The following PIK3CB variants were observed in gnomAD, a reference collection of about 807,000 sequenced individuals.
The protein encoded by PIK3CB is phosphatidylinositol 4,5-bisphosphate 3-kinase catalytic subunit beta isoform.
PIK3CB carries 39 observed loss-of-function variants against 136.8 expected under a neutral mutation model. That is an observed-to-expected ratio of 0.29 (90% CI 0.22 to 0.37). The LOEUF (loss-of-function observed/expected upper bound fraction) is 0.37, where lower values mean the gene tolerates loss of function less well. PIK3CB is among the 10% of genes least tolerant of loss of function. The probability of loss-of-function intolerance (pLI) is 1.00; values close to 1 mark genes in which losing one functional copy is unlikely to be tolerated. For missense variants in PIK3CB, 868 were observed against 1,275.4 expected, an observed-to-expected ratio of 0.68 and a Z score of 4.87; for synonymous variants, 428 against 436.6, an observed-to-expected ratio of 0.98 and a Z score of 0.25.
At chr3:138,723,691 G>A (rs2044780378) in intron 8 of PIK3CB, among the ~76,000 whole-genome samples, 1 of 152,192 alleles carries the variant, frequency 6.6e-6, no homozygotes, top group Non-Finnish European at 1.5e-5. Flanking sequence ...CAAAGGACTT[G>A]CCACTGTGCT....
chr3:138,767,932 G>A (rs990113118), intron 2 of PIK3CB, among the ~76,000 whole-genome samples: 14 of 152,322 alleles, frequency 9.2e-5, no homozygotes, highest in East Asian at 1.9e-4. Flanking sequence ...CCTGCAATGC[G>A]ATGAACAAAG....
chr3:138,788,974 AAAAAAAAAAAAAAAAAAAC>A (rs1174857494), intron 2 of PIK3CB, among the ~76,000 whole-genome samples: 2 of 140,088 alleles, frequency 1.4e-5, no homozygotes, highest in African/African-American at 6.4e-5. Flanking sequence ...CAAAAAAAAA[AAAAAAAAAAAAAAAAAAAC>A]AAAAAACAAC....
chr3:138,755,623 G>A (rs1031444342), intron 4 of PIK3CB, 131 bp downstream of exon 4: 1 of 520,080 alleles, frequency 1.9e-6, no homozygotes, highest in South Asian at 3.1e-5. Flanking sequence ...ATCTCAAACT[G>A]GCAACAATTT....
chr3:138,725,289 T>C (rs1037377708), intron 8 of PIK3CB, among the ~76,000 whole-genome samples: 3 of 152,212 alleles, frequency 2.0e-5, no homozygotes, highest in African/African-American at 4.8e-5. Flanking sequence ...TGGGGAATTA[T>C]GATGTATGAC....
intron 2 of PIK3CB, among the ~76,000 whole-genome samples, chr3:138,759,921 G>T (rs1019512073): frequency 2.0e-5 from 3 of 151,750 alleles, no homozygotes; most frequent in Non-Finnish European, 4.4e-5. Context: ...TCTCTACAAG[G>T]ACAATTTTTT....
At chr3:138,778,535 T>C in intron 2 of PIK3CB, 1 of 234,298 alleles carries the variant, frequency 4.3e-6, no homozygotes, top group South Asian at 5.0e-5. Flanking sequence ...AGCCAATGTG[T>C]CCATCATGGA....
At chr3:138,661,796 A>G (rs1386358691) in intron 21 of PIK3CB, among the ~76,000 whole-genome samples, 1 of 152,246 alleles carries the variant, frequency 6.6e-6, no homozygotes, top group African/African-American at 2.4e-5. Flanking sequence ...ACAGTGACCC[A>G]GAGAGATTTT....
chr3:138,802,559 A>G lies in PIK3CB; in HGVS notation c.-121-5992T>C, dbSNP rs78955208. On this transcript the variant is annotated intron_variant, in intron 1 of 23. Transcript: ENST00000674063. ...GTTAATTTGTGAGGGGAAAAAAAAA[A>G]AGAGAGAAAAAAGGGCAAATAGTAT... Among the ~76,000 whole-genome samples, 11 of 151,836 alleles carry G rather than the reference A, an allele frequency of 7.2e-5. No homozygotes were observed. The East Asian group carries it at 9.6e-4, about 13-fold the overall frequency.
chr3:138,800,898 T>C (rs1296613872), intron 1 of PIK3CB, among the ~76,000 whole-genome samples: 1 of 152,214 alleles, frequency 6.6e-6, no homozygotes, highest in Non-Finnish European at 1.5e-5. Flanking sequence ...AGTACTGGGA[T>C]TATAGGCGTG....
Position 138,654,963 on chromosome 3 carries a change from G to C in PIK3CB, c.*426C>G, listed in dbSNP as rs927004062. On this transcript the variant is annotated 3_prime_UTR_variant, in exon 24 of 24. Coordinates refer to ENST00000674063, the MANE Select transcript of PIK3CB (RefSeq NM_006219.3). ...GGGAAGAAAGATGCCTTTCTTTTTA[G>C]CTTCATTTGGACAGTAAGAACAGCC... is the stretch of plus-strand genomic sequence containing the variant. 4.5e-6 allele frequency: 1 copy of C among 224,108 alleles called. No individual in the cohort carries two copies. Among genetic ancestry groups the C allele is most frequent in the Non-Finnish European group, 8.9e-6 (1 of 112,540 alleles). 13.9% of individuals were successfully genotyped at this position (224,108 alleles called of 1,614,324 possible). A position where few individuals can be genotyped will look rare whatever the true frequency, so the allele number is the denominator to read the frequency against.
chr3:138,737,904 T>TG lies in PIK3CB; in HGVS notation c.622-19dup. 6.6e-7 allele frequency: 1 copy of TG among 1,523,020 alleles called. No homozygotes were observed. Among genetic ancestry groups the TG allele is most frequent in the South Asian group, 1.2e-5 (1 of 81,476 alleles). 94.3% of individuals were successfully genotyped at this position (1,523,020 alleles called of 1,614,324 possible). A position where few individuals can be genotyped will look rare whatever the true frequency, so the allele number is the denominator to read the frequency against. ...AACACGTCCTGAAGGGGGAGGGAGATGGGGAAAAAAGCAGTAAATGTTATA... is the reference window on the plus strand; with the variant it reads ...AACACGTCCTGAAGGGGGAGGGAGATGGGGGAAAAAAGCAGTAAATGTTATA... On this transcript the variant is annotated intron_variant, in intron 5 of 23. Coordinates refer to ENST00000674063, the MANE Select transcript of PIK3CB (RefSeq NM_006219.3).
chr3:138,736,419 A>G (rs763071229), intron 6 of PIK3CB, among the ~76,000 whole-genome samples: 1 of 152,230 alleles, frequency 6.6e-6, no homozygotes, highest in African/African-American at 2.4e-5. Context: ...TGGCATGCCT[A>G]TACCCCTCTT....
intron 2 of PIK3CB, among the ~76,000 whole-genome samples, chr3:138,763,883 C>A (rs1229717221): frequency 6.6e-6 from 1 of 151,824 alleles, no homozygotes; most frequent in Non-Finnish European, 1.5e-5. Context: ...GAGGCCAAGG[C>A]GGGCAGATCA....
chr3:138,730,726 C>T (rs1236661855), intron 8 of PIK3CB, among the ~76,000 whole-genome samples: 2 of 151,942 alleles, frequency 1.3e-5, no homozygotes, highest in African/African-American at 2.4e-5. Context: ...AGTTCAAGAC[C>T]AGCATTGGCA....
intron 12 of PIK3CB, 112 bp from the exon 13 acceptor site, chr3:138,699,207 CA>C: frequency 3.4e-6 from 1 of 291,956 alleles, no homozygotes; most frequent in Non-Finnish European, 5.8e-6. Context: ...ATGTGAGATA[CA>C]AAAATATAAT....
intron 21 of PIK3CB, among the ~76,000 whole-genome samples, chr3:138,658,451 A>T (rs896721931): frequency 6.6e-6 from 1 of 151,946 alleles, no homozygotes; most frequent in African/African-American, 2.4e-5. Flanking sequence ...CCCTGTCTCA[A>T]CAACAACAAC....
chr3:138,730,607 C>A (rs1372491573), intron 8 of PIK3CB, among the ~76,000 whole-genome samples: 1 of 152,040 alleles, frequency 6.6e-6, no homozygotes, highest in South Asian at 2.1e-4. Flanking sequence ...GTAGATTTGA[C>A]TCCATGTGAT....
In PIK3CB at chr3:138,818,995, A is replaced by G. The variant is rs533158171; in HGVS notation, c.-122+15700T>C. On this transcript the variant is annotated intron_variant, in intron 1 of 23. Transcript: ENST00000674063. ...GTCGAAGCTTAAACCTAAACTTAAA[A>G]TTACTGAATATCACAGCTACAAAGG... 9.2e-5 allele frequency among the ~76,000 whole-genome samples: 14 copies of G among 152,322 alleles called. No individual in the cohort carries two copies. The South Asian group carries it at 2.7e-3, about 29-fold the overall frequency.
chr3:138,715,351 A>G (rs7643722), intron 8 of PIK3CB, among the ~76,000 whole-genome samples: 75,565 of 152,076 alleles, frequency 0.5, 21,056 homozygotes, highest in East Asian at 0.98. Flanking sequence ...TTTAAAATAT[A>G]TGACCTAATT....
Sources: gnomAD v4.1 joint callset for allele counts (sites outside exome capture counted in the v4.1 genomes callset) on GRCh38, gnomAD v4.1.1 for gene constraint, MANE v1.5 for transcripts, NCBI Gene and HGNC (gene_info 2026-07-23, HGNC 2026-07-21) for gene names.